COL9A1: variants seen among roughly 807,000 people sequenced by gnomAD.
COL9A1 encodes the protein collagen alpha-1(IX) chain.
In COL9A1, 104 loss-of-function variants were observed where a neutral mutation model predicts 142.6. The observed-to-expected ratio is 0.73, with a 90% CI of 0.62 to 0.86. The LOEUF (loss-of-function observed/expected upper bound fraction) is 0.86, where lower values mean the gene tolerates loss of function less well. COL9A1 is among the 40% of genes least tolerant of loss of function. COL9A1 has a pLI of 0.00. For missense variants in COL9A1, 1,210 were observed against 1,176.6 expected (o/e 1.03, Z -0.42); for synonymous variants, 466 against 396.0 (o/e 1.18, Z -2.10).
chr6:70,253,883 T>C (rs1394414712), intron 25 of COL9A1, among the ~76,000 whole-genome samples: 1 of 152,222 alleles, frequency 6.6e-6, no homozygotes, highest in Non-Finnish European at 1.5e-5. Context: ...CTGACTCAGG[T>C]TTGATATTAT....
At chr6:70,248,939 A>G (rs1770760780) in intron 28 of COL9A1, among the ~76,000 whole-genome samples, 1 of 152,184 alleles carries the variant, frequency 6.6e-6, no homozygotes, top group Admixed American at 6.5e-5. Context: ...TGCAATTAAC[A>G]TTCCAATTAC....
intron 10 of COL9A1, among the ~76,000 whole-genome samples, chr6:70,278,908 G>T (rs1464654108): frequency 6.6e-6 from 1 of 152,188 alleles, no homozygotes; most frequent in Non-Finnish European, 1.5e-5. Context: ...GTAAAGAGAA[G>T]AATTTGTTGA....
chr6:70,296,672 T>C (rs9455031), intron 4 of COL9A1, among the ~76,000 whole-genome samples: 26,320 of 152,060 alleles, frequency 0.17, 3,294 homozygotes, highest in East Asian at 0.46. Context: ...TGGAAGTTTG[T>C]ACATCTTACC....
Position 70,232,780 on chromosome 6 carries a change from G to T in COL9A1, c.2315-9C>A, listed in dbSNP as rs1303487788. Reference sequence around the variant, plus strand: ...CATCTCAGCAAAATGTTCTAAAAGAGAATAAACAAAACAACCCAGAAGTGT... The same window carrying T: ...CATCTCAGCAAAATGTTCTAAAAGATAATAAACAAAACAACCCAGAAGTGT... On this transcript the variant is annotated splice_polypyrimidine_tract_variant and intron_variant, in intron 35 of 37. Coordinates refer to ENST00000357250, the MANE Select transcript of COL9A1 (RefSeq NM_001851.6). 1 of 1,606,550 alleles carries T rather than the reference G, an allele frequency of 6.2e-7. No homozygotes were observed. The highest frequency in any genetic ancestry group is 1.7e-5 in the Admixed American group (1 of 58,760).
At chr6:70,284,954 T>C (rs1002581300) in intron 5 of COL9A1, among the ~76,000 whole-genome samples, 8 of 152,244 alleles carry the variant, frequency 5.3e-5, no homozygotes, top group African/African-American at 1.7e-4. Flanking sequence ...TTGAGATCAC[T>C]GGACAGAAGA....
At chr6:70,251,929 C>G (rs1045880568) in intron 28 of COL9A1, among the ~76,000 whole-genome samples, 191 bp downstream of exon 28, 1 of 152,124 alleles carries the variant, frequency 6.6e-6, no homozygotes, top group Non-Finnish European at 1.5e-5. Flanking sequence ...TTTTGAAGCA[C>G]TTTATTTTTG....
intron 37 of COL9A1, among the ~76,000 whole-genome samples, chr6:70,221,477 T>C (rs1409524424): frequency 6.6e-6 from 1 of 152,174 alleles, no homozygotes; most frequent in Non-Finnish European, 1.5e-5. Context: ...AAAAATTAGG[T>C]ACTGAAAAAC....
chr6:70,227,240 G>C (rs1286279834), intron 36 of COL9A1, among the ~76,000 whole-genome samples: 2 of 151,488 alleles, frequency 1.3e-5, no homozygotes, highest in Non-Finnish European at 2.9e-5. Flanking sequence ...CCTCAGATTG[G>C]CCTTTTTATT....
intron 5 of COL9A1, among the ~76,000 whole-genome samples, chr6:70,291,755 G>A (rs1210359850): frequency 6.6e-6 from 1 of 152,098 alleles, no homozygotes; most frequent in African/African-American, 2.4e-5. Flanking sequence ...AGAATAATGA[G>A]ATTCTTTATA....
In COL9A1 at chr6:70,280,831, G is replaced by C; in HGVS notation, c.956C>G (p.Pro319Arg). The change falls in exon 10 of 38, where the codon CCT becomes CGT. Residue 319 changes from proline (P) to arginine (R), a missense_variant. By Grantham distance (103) the Pro-to-Arg change is moderately radical (BLOSUM62 -2). Coordinates refer to ENST00000357250, the MANE Select transcript of COL9A1 (RefSeq NM_001851.6). ...ACTCACATCAGCGCCAGGTGTGCCA[G>C]GCTTGCCTGGAGCTCCTGGCTTTCC... Reference protein sequence around the residue: ...EPGKPGAPGKPGTPGADGLTG... With the variant: ...EPGKPGAPGKRGTPGADGLTG... 6.2e-7 allele frequency: 1 copy of C among 1,613,160 alleles called. No individual in the cohort carries two copies. Among genetic ancestry groups the C allele is most frequent in the Non-Finnish European group, 8.5e-7 (1 of 1,179,810 alleles).
intron 27 of COL9A1, 26 bp from the exon 28 acceptor site, chr6:70,252,199 A>G: frequency 6.2e-7 from 1 of 1,614,184 alleles, no homozygotes; most frequent in East Asian, 2.2e-5. Context: ...AAGGTAGAAA[A>G]AAAGTTAACA....
intron 36 of COL9A1, among the ~76,000 whole-genome samples, chr6:70,228,979 A>G (rs1475066248): frequency 6.6e-6 from 1 of 152,136 alleles, no homozygotes; most frequent in East Asian, 1.9e-4. Flanking sequence ...TAAATGTGCC[A>G]CATTTCTGAA....
intron 33 of COL9A1, 91 bp downstream of exon 33, chr6:70,239,163 C>T: frequency 1.1e-6 from 1 of 885,102 alleles, no homozygotes; most frequent in Non-Finnish European, 1.8e-6. Flanking sequence ...TTGAATGTTA[C>T]ATAATGATTT....
chr6:70,279,115 C>A (rs1489680070), intron 10 of COL9A1, among the ~76,000 whole-genome samples: 1 of 152,038 alleles, frequency 6.6e-6, no homozygotes, highest in African/African-American at 2.4e-5. Context: ...CAGAAATTTT[C>A]TTTTCATCCA....
chr6:70,299,230 T>G (rs1773963021), intron 4 of COL9A1, among the ~76,000 whole-genome samples: 1 of 152,098 alleles, frequency 6.6e-6, no homozygotes, highest in African/African-American at 2.4e-5. Context: ...TTATATACAT[T>G]GAGTTTCTAT....
At chr6:70,281,356 G>A (rs369232837) in intron 8 of COL9A1, 34 bp downstream of exon 8, 1 of 1,602,032 alleles carries the variant, frequency 6.2e-7, no homozygotes, top group Non-Finnish European at 8.5e-7. Context: ...GGGCAGGACT[G>A]GGGAACAGAG....
rs1354769954 is a variant in COL9A1, at chr6:70,263,245, G to A, written c.1394C>T (p.Pro465Leu). 16 of 1,602,944 alleles carry A rather than the reference G, an allele frequency of 1.0e-5. No homozygotes were observed. Among genetic ancestry groups the A allele is most frequent in the Non-Finnish European group, 1.3e-5 (15 of 1,173,346 alleles). Reference sequence around the variant, plus strand: ...AATATTTTTTAAAAAATACTTTACTGGAGGTCCTTGAGCTCCAACTTCTCC... The same window carrying A: ...AATATTTTTTAAAAAATACTTTACTAGAGGTCCTTGAGCTCCAACTTCTCC... ...ELGEVGAQGP[P>L]GAQGLRGITG... Residue 465 changes from proline (P) to leucine (L), a missense_variant and splice_region_variant, in exon 19 of 38, where the codon CCA (proline) becomes CTA (leucine). Coordinates refer to ENST00000357250, the MANE Select transcript of COL9A1 (RefSeq NM_001851.6).
At chr6:70,275,053 C>A in intron 10 of COL9A1, 1 of 436,888 alleles carries the variant, frequency 2.3e-6, no homozygotes, top group Non-Finnish European at 4.1e-6. Context: ...TGTTTTTTGT[C>A]TCTGCTTTGG....
rs953527399 is a variant in COL9A1, at chr6:70,283,118, C to T, written c.781-200G>A. The T allele has an allele frequency of 4.6e-6, 7 of 1,526,528 alleles. No homozygotes were observed. In the African/African-American group the frequency reaches 5.5e-5, roughly 12 times the overall value. 94.6% of individuals were successfully genotyped at this position (1,526,528 alleles called of 1,614,324 possible). A position where few individuals can be genotyped will look rare whatever the true frequency, so the allele number is the denominator to read the frequency against. ...CCTGGTTCCCCTCTAGGCTTCCAGA[C>T]CCGCCACTAGCATAGGTGGCACTTC... is the stretch of plus-strand genomic sequence containing the variant. On this transcript the variant is annotated intron_variant, in intron 6 of 37. Coordinates refer to ENST00000357250, the MANE Select transcript of COL9A1 (RefSeq NM_001851.6).
Sources: allele counts gnomAD v4.1 joint callset (sites outside exome capture counted in the v4.1 genomes callset), GRCh38; gene constraint gnomAD v4.1.1; transcripts MANE v1.5; gene names NCBI Gene and HGNC (gene_info 2026-07-23, HGNC 2026-07-21).